TAF4: variants seen among roughly 807,000 people sequenced by gnomAD.
The protein encoded by TAF4 is TATA-box binding protein associated factor 4.
Under a neutral mutation model 90.3 loss-of-function variants are expected in TAF4, and 9 were observed. That is an observed-to-expected ratio of 0.10 (90% CI 0.06 to 0.17). TAF4 has a LOEUF of 0.17. Ranked by LOEUF, TAF4 falls within the 10% of genes least tolerant of loss-of-function variation. The pLI, the probability that TAF4 is intolerant of heterozygous loss-of-function variation, is 1.00. For synonymous variants in TAF4, 818 were observed against 638.9 expected (o/e 1.28, Z -4.23); for missense variants, 1,351 against 1,370.7 (o/e 0.99, Z 0.23).
chr20:62,013,311 C>T (rs1211913889), intron 2 of TAF4, among the ~76,000 whole-genome samples: 2 of 152,166 alleles, frequency 1.3e-5, no homozygotes, highest in African/African-American at 2.4e-5. Flanking sequence ...GGTGGCCGCC[C>T]CTAGGCTAGA....
At chr20:61,984,162 C>T (rs1447465400) in intron 14 of TAF4, among the ~76,000 whole-genome samples, 2 of 152,134 alleles carry the variant, frequency 1.3e-5, no homozygotes, top group Non-Finnish European at 2.9e-5. Flanking sequence ...AGGAGCGGCT[C>T]GGGGATGTCC....
intron 1 of TAF4, among the ~76,000 whole-genome samples, chr20:62,055,619 G>A (rs2056058955): frequency 6.6e-6 from 1 of 152,150 alleles, no homozygotes; most frequent in African/African-American, 2.4e-5. Context: ...CACTATCAGA[G>A]GGCAGCCCTA....
At chr20:61,987,707 T>C (rs2055601630) in intron 14 of TAF4, among the ~76,000 whole-genome samples, 1 of 152,238 alleles carries the variant, frequency 6.6e-6, no homozygotes, top group African/African-American at 2.4e-5. Context: ...GGTCCAGCAA[T>C]CGTGCTCCTT....
At chr20:62,007,492 C>A (rs1382138478) in intron 6 of TAF4, 55 bp downstream of exon 6, 2 of 1,544,594 alleles carry the variant, frequency 1.3e-6, no homozygotes, top group Admixed American at 1.7e-5. Flanking sequence ...GGTGCATCTG[C>A]GCCCCACCCC....
In TAF4 at chr20:62,014,604, C is replaced by T; in HGVS notation, c.1464G>A (p.Met488Ile). The change falls in exon 2 of 15, where the codon ATG (methionine) becomes ATA (isoleucine). Residue 488 changes from methionine (M) to isoleucine (I), a missense_variant. Around this residue, in one of 9 missense-constraint regions of TAF4, gnomAD observed 143 missense variants for 176.3 expected, o/e 0.81. Coordinates refer to ENST00000252996, the MANE Select transcript of TAF4 (RefSeq NM_003185.4). ...TTGTGGGGGTGGCAGGGCGAGGCGC[C>T]ATGGTGGTCTGAGGCTGGGCATGGG... is the stretch of plus-strand genomic sequence containing the variant. ...AQAHAQPQTT[M>I]APRPATPTSA... 1.2e-6 allele frequency: 2 copies of T among 1,614,080 alleles called. No homozygotes were observed. The highest frequency in any genetic ancestry group is 1.7e-6 in the Non-Finnish European group (2 of 1,179,992).
chr20:62,039,166 C>T (rs747820131), intron 1 of TAF4, among the ~76,000 whole-genome samples: 2 of 152,166 alleles, frequency 1.3e-5, no homozygotes, highest in Non-Finnish European at 2.9e-5. Context: ...TCAACGTTTT[C>T]GAAAAAGCAG....
At chr20:61,999,182 T>C (rs2055682423) in intron 11 of TAF4, 74 bp from the exon 12 acceptor site, 1 of 1,566,124 alleles carries the variant, frequency 6.4e-7, no homozygotes, top group Non-Finnish European at 8.7e-7. Flanking sequence ...CTAGCACCAC[T>C]GGACCATCCG....
chr20:61,978,087 G>C (rs373065632), intron 14 of TAF4, among the ~76,000 whole-genome samples: 1,448 of 78,814 alleles, frequency 0.018, no homozygotes, highest in Middle Eastern at 0.055. Context: ...GAGGGCGCGA[G>C]ACCAACCAAG....
chr20:62,050,896 CT>C (rs2056023422), intron 1 of TAF4, among the ~76,000 whole-genome samples: 2 of 152,194 alleles, frequency 1.3e-5, no homozygotes, highest in Non-Finnish European at 2.9e-5. Flanking sequence ...AGCAAGGCCC[CT>C]TTCTGCCACT....
At chr20:62,012,738 A>G in intron 3 of TAF4, 77 bp downstream of exon 3, 1 of 1,425,908 alleles carries the variant, frequency 7.0e-7, no homozygotes. Flanking sequence ...AAAACTCCTA[A>G]GGCCTGATCT....
intron 1 of TAF4, among the ~76,000 whole-genome samples, chr20:62,018,550 T>TG (rs148795705): frequency 0.024 from 3,700 of 152,290 alleles, 97 homozygotes; most frequent in African/African-American, 0.064. Flanking sequence ...AGGGTACACG[T>TG]GGCAGGTGTG....
chr20:62,040,942 G>C (rs80212761), intron 1 of TAF4, among the ~76,000 whole-genome samples: 7 of 152,350 alleles, frequency 4.6e-5, no homozygotes, highest in African/African-American at 1.7e-4. Context: ...AAACATGCCA[G>C]ACTCCTCAGC....
At chr20:62,059,751 G>T (rs2145523006) in intron 1 of TAF4, among the ~76,000 whole-genome samples, 1 of 152,316 alleles carries the variant, frequency 6.6e-6, no homozygotes, top group South Asian at 2.1e-4. Context: ...TTCCTACTGA[G>T]CACCATGAAG....
chr20:61,976,419 C>T, intron 14 of TAF4, 84 bp from the exon 15 acceptor site: 1 of 1,522,892 alleles, frequency 6.6e-7, no homozygotes, highest in South Asian at 1.2e-5. Flanking sequence ...AGCCAAGTAC[C>T]CCGATTCCAG....
intron 1 of TAF4, among the ~76,000 whole-genome samples, chr20:62,029,769 G>A (rs1276141815): frequency 6.6e-6 from 1 of 152,172 alleles, no homozygotes. Context: ...AGCTGGGCGT[G>A]GGAGCACACA....
At position 62,064,518 on chromosome 20, in the gene TAF4, C is replaced by T. The variant is rs763750688; in HGVS notation, c.1293G>A (p.Val431=). Residue 431 remains valine, a synonymous_variant, in exon 1 of 15, where the codon GTG becomes GTA. Coordinates refer to ENST00000252996, the MANE Select transcript of TAF4 (RefSeq NM_003185.4). ...GCGGCTGCGGCAAGCGGGGGGCCAGCACGGTGGGCGTCAGGGTGGCCCGAA... is the reference window on the plus strand; with the variant it reads ...GCGGCTGCGGCAAGCGGGGGGCCAGTACGGTGGGCGTCAGGGTGGCCCGAA... ...SGIRATLTPT[V]LAPRLPQPPQ... is the part of the protein sequence containing the mutation. The T allele has an allele frequency of 1.7e-5, 26 of 1,529,486 alleles. No homozygotes were observed. The South Asian group carries it at 2.9e-4, about 17-fold the overall frequency. The allele number at this position is 1,529,486 out of a possible 1,614,324, so 94.7% of individuals were successfully genotyped here.
intron 14 of TAF4, among the ~76,000 whole-genome samples, chr20:61,988,255 C>T (rs531942275): frequency 2.0e-5 from 2 of 99,848 alleles, no homozygotes; most frequent in African/African-American, 3.4e-5. Flanking sequence ...TTCTAACAAA[C>T]GCACCACCCG....
intron 1 of TAF4, among the ~76,000 whole-genome samples, chr20:62,060,027 C>A (rs1480168155): frequency 6.6e-6 from 1 of 152,264 alleles, no homozygotes; most frequent in African/African-American, 2.4e-5. Flanking sequence ...GATGCGGACA[C>A]GCCCACCAGT....
chr20:62,036,446 C>T (rs2055933241), intron 1 of TAF4, among the ~76,000 whole-genome samples: 2 of 152,212 alleles, frequency 1.3e-5, no homozygotes, highest in South Asian at 4.1e-4. Flanking sequence ...ATAACAGAAA[C>T]TGCTGGGAGG....
Sources: allele counts gnomAD v4.1 joint callset (sites outside exome capture counted in the v4.1 genomes callset), GRCh38; gene constraint gnomAD v4.1.1; regional missense constraint gnomAD v4.1.1; transcripts MANE v1.5; gene names NCBI Gene and HGNC (gene_info 2026-07-23, HGNC 2026-07-21).